The following ADGRV1 variants were observed in gnomAD, a reference collection of about 807,000 sequenced individuals.
ADGRV1 encodes the protein G-protein coupled receptor 98.
In ADGRV1, 359 loss-of-function variants were observed where a neutral mutation model predicts 596.2. The observed-to-expected ratio is 0.60, with a 90% CI of 0.55 to 0.66. The LOEUF (loss-of-function observed/expected upper bound fraction) is 0.66, where lower values mean the gene tolerates loss of function less well. Ranked by LOEUF, ADGRV1 falls within the 30% of genes least tolerant of loss-of-function variation. ADGRV1 has a pLI of 0.00. For missense variants in ADGRV1, 7,274 were observed against 7,575.6 expected, an observed-to-expected ratio of 0.96 and a Z score of 1.48; for synonymous variants, 2,681 against 2,679.2, an observed-to-expected ratio of 1.00 and a Z score of -0.02.
chr5:90,638,364 A>G (rs1178596001), intron 11 of ADGRV1, among the ~76,000 whole-genome samples: 1 of 152,122 alleles, frequency 6.6e-6, no homozygotes, highest in African/African-American at 2.4e-5. Context: ...ATTAATCTTC[A>G]TGTAATAAAA....
chr5:91,012,249 T>G (rs1328213313), intron 85 of ADGRV1, among the ~76,000 whole-genome samples: 1 of 151,994 alleles, frequency 6.6e-6, no homozygotes, highest in African/African-American at 2.4e-5. Flanking sequence ...TTCAGCTTGG[T>G]CTACAACTGT....
chr5:90,728,461 G>A (rs913616029), intron 48 of ADGRV1, among the ~76,000 whole-genome samples: 3 of 152,004 alleles, frequency 2.0e-5, no homozygotes, highest in Non-Finnish European at 2.9e-5. Context: ...GTGTACTTAT[G>A]TGCATAGACA....
At chr5:90,928,324 C>G (rs1459595145) in intron 83 of ADGRV1, among the ~76,000 whole-genome samples, 1 of 151,876 alleles carries the variant, frequency 6.6e-6, no homozygotes, top group Non-Finnish European at 1.5e-5. Context: ...GGAGGCTTTG[C>G]TCGTTTCTTT....
At chr5:90,802,477 C>T (rs1284972924) in intron 70 of ADGRV1, among the ~76,000 whole-genome samples, 2 of 152,216 alleles carry the variant, frequency 1.3e-5, no homozygotes, top group South Asian at 2.1e-4. Context: ...GTGATCCACC[C>T]GCCTGGGCCT....
rs374973241 is a variant in ADGRV1, at chr5:90,796,476, A to G, written c.14517+5130A>G. 1.7e-3 allele frequency among the ~76,000 whole-genome samples: 253 copies of G among 152,330 alleles called. 1 individual carries two copies. The highest frequency in any genetic ancestry group is 5.6e-3 in the African/African-American group (232 of 41,568). On this transcript the variant is annotated intron_variant, in intron 70 of 89. Transcript: ENST00000405460. ...CAAAGCCTCCAAGAAATATGGGACT[A>G]TGTGAAAAGACTACGTTTGATTGGT...
intron 89 of ADGRV1, among the ~76,000 whole-genome samples, chr5:91,158,413 C>T (rs1054751035): frequency 1.3e-5 from 2 of 152,148 alleles, no homozygotes; most frequent in Admixed American, 6.5e-5. Context: ...CCCTTAAAAA[C>T]CAAAACCTAC....
At chr5:90,875,441 T>TG (rs1769130609) in intron 83 of ADGRV1, among the ~76,000 whole-genome samples, 1 of 152,214 alleles carries the variant, frequency 6.6e-6, no homozygotes, top group Non-Finnish European at 1.5e-5. Flanking sequence ...TAACTTCTCT[T>TG]CGTGTTAAAA....
intron 75 of ADGRV1, among the ~76,000 whole-genome samples, chr5:90,817,373 C>T (rs1763005324): frequency 6.6e-6 from 1 of 151,400 alleles, no homozygotes; most frequent in African/African-American, 2.5e-5. Flanking sequence ...TGCCTGTTCA[C>T]TCTGATGGTA....
At chr5:90,614,703 T>C (rs1206580191) in intron 1 of ADGRV1, 132 bp from the exon 2 acceptor site, 12 of 732,886 alleles carry the variant, frequency 1.6e-5, no homozygotes, top group Non-Finnish European at 2.9e-5. Context: ...GATGGCTTAA[T>C]AGTAGATGTA....
At chr5:91,087,948 T>A (rs1173480932) in intron 86 of ADGRV1, among the ~76,000 whole-genome samples, 1 of 152,212 alleles carries the variant, frequency 6.6e-6, no homozygotes, top group Non-Finnish European at 1.5e-5. Context: ...CTCAGTGCAT[T>A]TTTTAACATT....
intron 85 of ADGRV1, among the ~76,000 whole-genome samples, chr5:91,037,918 AACT>A (rs1157017751): frequency 6.6e-6 from 1 of 152,202 alleles, no homozygotes; most frequent in Non-Finnish European, 1.5e-5. Flanking sequence ...AATGCAGTCA[AACT>A]TTGTTTCATG....
chr5:90,976,316 G>GTATATATATA (rs1434888267), intron 84 of ADGRV1, among the ~76,000 whole-genome samples: 1 of 121,474 alleles, frequency 8.2e-6, no homozygotes, highest in African/African-American at 3.5e-5. Flanking sequence ...GTGTGTGTGT[G>GTATATATATA]TGTGTGTATA....
At chr5:91,006,822 G>T (rs1782319444) in intron 85 of ADGRV1, among the ~76,000 whole-genome samples, 1 of 152,034 alleles carries the variant, frequency 6.6e-6, no homozygotes, top group Admixed American at 6.6e-5. Context: ...TTCTGTATCT[G>T]TTCTTCTGTA....
intron 89 of ADGRV1, among the ~76,000 whole-genome samples, chr5:91,158,676 T>C (rs1211511643): frequency 6.6e-6 from 1 of 152,142 alleles, no homozygotes; most frequent in Non-Finnish European, 1.5e-5. Flanking sequence ...CCAATGCAAA[T>C]TCCACATAGA....
intron 50 of ADGRV1, among the ~76,000 whole-genome samples, chr5:90,743,856 A>G (rs1754287993): frequency 6.6e-6 from 1 of 151,882 alleles, no homozygotes; most frequent in Admixed American, 6.6e-5. Flanking sequence ...TTTTTCTCCC[A>G]GTTTTATTTA....
chr5:90,659,896 G>T (rs534301658), intron 21 of ADGRV1, among the ~76,000 whole-genome samples: 49 of 152,266 alleles, frequency 3.2e-4, no homozygotes, highest in Non-Finnish European at 6.2e-4. Context: ...GCCGGGTGTG[G>T]TGGTGGGCAC....
At chr5:90,571,307 C>T (rs1756500182) in intron 1 of ADGRV1, among the ~76,000 whole-genome samples, 2 of 152,032 alleles carry the variant, frequency 1.3e-5, no homozygotes, top group African/African-American at 4.8e-5. Context: ...TCAACTCTGC[C>T]TAACCTTCAC....
chr5:90,694,477 G>T lies in ADGRV1; in HGVS notation c.7721G>T (p.Gly2574Val). 6.2e-7 allele frequency: 1 copy of T among 1,613,952 alleles called. No individual in the cohort carries two copies. Among genetic ancestry groups the T allele is most frequent in the Non-Finnish European group, 8.5e-7 (1 of 1,179,838 alleles). ...TCTACAGTTGTCATAGCACTAAATGGTGATGCCTTTGGAGTGTTTGTGATC... is the reference window on the plus strand; with the variant it reads ...TCTACAGTTGTCATAGCACTAAATGTTGATGCCTTTGGAGTGTTTGTGATC... ...NISTVVIALN[G>V]DAFGVFVIYN... The change falls in exon 33 of 90, where the codon GGT becomes GTT. Residue 2574 changes from glycine to valine, a missense_variant. Transcript: ENST00000405460.
chr5:91,070,089 C>T (rs1788251943), intron 85 of ADGRV1, among the ~76,000 whole-genome samples: 1 of 152,068 alleles, frequency 6.6e-6, no homozygotes, highest in African/African-American at 2.4e-5. Context: ...TGGCAACAGT[C>T]ACTGGAAACT....
Sources: gnomAD v4.1 joint callset for allele counts (sites outside exome capture counted in the v4.1 genomes callset) on GRCh38, gnomAD v4.1.1 for gene constraint, MANE v1.5 for transcripts, NCBI Gene and HGNC (gene_info 2026-07-23, HGNC 2026-07-21) for gene names.